PIBF1: variants seen among roughly 807,000 people sequenced by gnomAD.
PIBF1 encodes the protein progesterone immunomodulatory binding factor 1, also known as progesterone-induced-blocking factor 1.
In PIBF1, 90 loss-of-function variants were observed where a neutral mutation model predicts 112.5. The observed-to-expected ratio is 0.80, with a 90% CI of 0.67 to 0.95. PIBF1 has a LOEUF of 0.95. Ranked by LOEUF, PIBF1 falls within the 40% of genes least tolerant of loss-of-function variation. The pLI is 0.00. For missense variants in PIBF1, 915 were observed against 852.3 expected (o/e 1.07, Z -0.92); for synonymous variants, 301 against 288.6 (o/e 1.04, Z -0.44).
intron 11 of PIBF1, among the ~76,000 whole-genome samples, chr13:72,895,900 G>T (rs940525023): frequency 1.1e-4 from 17 of 152,158 alleles, no homozygotes; most frequent in African/African-American, 4.1e-4. Context: ...CTCACTCTGG[G>T]CCTGGAAACA....
At chr13:72,936,944 T>TTTAATTTATC (rs1328804469) in intron 14 of PIBF1, among the ~76,000 whole-genome samples, 1 of 152,194 alleles carries the variant, frequency 6.6e-6, no homozygotes, top group African/African-American at 2.4e-5. Context: ...TTACGTCTTC[T>TTTAATTTATC]TTAATTTATC....
chr13:72,920,556 C>T (rs1457001270), intron 13 of PIBF1, among the ~76,000 whole-genome samples: 1 of 152,158 alleles, frequency 6.6e-6, no homozygotes, highest in Non-Finnish European at 1.5e-5. Context: ...GCTTTGCGCT[C>T]TTTTTATGTT....
intron 13 of PIBF1, among the ~76,000 whole-genome samples, chr13:72,925,837 C>T (rs748861552): frequency 6.6e-6 from 1 of 151,990 alleles, no homozygotes; most frequent in African/African-American, 2.4e-5. Flanking sequence ...CCACCGCACC[C>T]GGCCCTGTTT....
rs1377701230 is a variant in PIBF1 at position 72,934,485 on chromosome 13, G to C, written c.1833+3218G>C. Among the ~76,000 whole-genome samples the C allele has an allele frequency of 2.0e-5, 3 of 152,188 alleles. No individual in the cohort carries two copies. The East Asian group carries it at 5.8e-4, about 29-fold the overall frequency. On this transcript the variant is annotated intron_variant, in intron 14 of 17. Transcript: ENST00000326291. ...GCTAATTTTTTGTATTTTTAGTAGA[G>C]ATAAGGTTTCACCATGTTGGCTAGG...
intron 14 of PIBF1, among the ~76,000 whole-genome samples, chr13:72,949,883 A>G (rs377752445): frequency 1.3e-5 from 2 of 152,192 alleles, no homozygotes; most frequent in East Asian, 1.9e-4. Context: ...GCCTTCATGA[A>G]AAATCAGTTT....
chr13:72,837,193 A>T (rs1369004463), intron 9 of PIBF1, among the ~76,000 whole-genome samples: 1 of 152,104 alleles, frequency 6.6e-6, no homozygotes, highest in Non-Finnish European at 1.5e-5. Flanking sequence ...AATTATACGT[A>T]TTCTTAAAAA....
intron 12 of PIBF1, among the ~76,000 whole-genome samples, chr13:72,915,288 A>G (rs1023362935): frequency 6.6e-6 from 1 of 152,066 alleles, no homozygotes; most frequent in Non-Finnish European, 1.5e-5. Context: ...TATCTACCCT[A>G]TACCTTGTAG....
intron 10 of PIBF1, among the ~76,000 whole-genome samples, chr13:72,859,770 A>T (rs1049751260): frequency 6.6e-6 from 1 of 152,192 alleles, no homozygotes; most frequent in African/African-American, 2.4e-5. Flanking sequence ...AATAGAAGTT[A>T]TATGTAGAAT....
At chr13:73,010,686 T>TC (rs1406492970) in intron 17 of PIBF1, among the ~76,000 whole-genome samples, 1 of 151,970 alleles carries the variant, frequency 6.6e-6, no homozygotes, top group Non-Finnish European at 1.5e-5. Flanking sequence ...TTTAGCTGGC[T>TC]CACCTTTCCC....
chr13:72,908,518 CT>C lies in PIBF1; in HGVS notation c.1489-10del, dbSNP rs764757742. 6.4e-7 allele frequency: 1 copy of C among 1,568,092 alleles called. No homozygotes were observed. Among genetic ancestry groups the C allele is most frequent in the Non-Finnish European group, 8.6e-7 (1 of 1,156,308 alleles). ...TTAATTCTGCCTTTGTAATTCTTCT[CT>C]TTCACTATTAGGTTTTAACCAAAGA... On this transcript the variant is annotated splice_polypyrimidine_tract_variant and intron_variant, in intron 11 of 17. Coordinates refer to ENST00000326291, the MANE Select transcript of PIBF1 (RefSeq NM_006346.4).
chr13:72,804,429 A>G (rs1327844767), intron 5 of PIBF1, among the ~76,000 whole-genome samples: 6 of 152,202 alleles, frequency 3.9e-5, no homozygotes, highest in Non-Finnish European at 5.9e-5. Flanking sequence ...ACAAAAGTGT[A>G]TGATCTGATG....
chr13:72,927,997 A>G (rs1183361727), intron 13 of PIBF1, among the ~76,000 whole-genome samples: 1 of 46,920 alleles, frequency 2.1e-5, no homozygotes, highest in African/African-American at 9.6e-5. Context: ...ATACACACAC[A>G]TATATATACA....
At chr13:72,933,103 A>G (rs923654600) in intron 14 of PIBF1, among the ~76,000 whole-genome samples, 2 of 152,250 alleles carry the variant, frequency 1.3e-5, no homozygotes, top group African/African-American at 4.8e-5. Context: ...TAATAAACAA[A>G]CAAACAAACC....
rs775597165 is a variant in PIBF1 at position 72,998,921 on chromosome 13, A to G, written c.2149A>G (p.Asn717Asp). 2 of 1,612,418 alleles carry G rather than the reference A, an allele frequency of 1.2e-6. No homozygotes were observed. Among genetic ancestry groups the G allele is most frequent in the South Asian group, 2.2e-5 (2 of 90,996 alleles). Residue 717 changes from asparagine (N) to aspartate (D), a missense_variant, in exon 17 of 18, where the codon AAT becomes GAT. Asn to Asp is a conservative substitution (Grantham distance 23). Transcript: ENST00000326291. ...TKTEPKHVTE[N>D]QKSKTLNVPK... ...AACAGAACCAAAACATGTGACAGAAAATCAGAAATCAAAGACTTTGAATGT... is the reference window on the plus strand; with the variant it reads ...AACAGAACCAAAACATGTGACAGAAGATCAGAAATCAAAGACTTTGAATGT...
At chr13:72,840,577 G>A (rs1194059939) in intron 9 of PIBF1, among the ~76,000 whole-genome samples, 1 of 147,824 alleles carries the variant, frequency 6.8e-6, no homozygotes, top group East Asian at 2.0e-4. Context: ...AGACTGGAGT[G>A]CAGTGGCGTG....
intron 9 of PIBF1, among the ~76,000 whole-genome samples, chr13:72,845,228 G>T (rs1008108437): frequency 3.9e-5 from 6 of 151,920 alleles, no homozygotes; most frequent in African/African-American, 1.2e-4. Context: ...TTATGAGTGA[G>T]AATATGTGGT....
intron 13 of PIBF1, among the ~76,000 whole-genome samples, chr13:72,922,567 C>A (rs928548236): frequency 6.6e-6 from 1 of 152,136 alleles, no homozygotes; most frequent in Non-Finnish European, 1.5e-5. Flanking sequence ...ACTGTTCTGA[C>A]GTTCTTAAAC....
At chr13:72,870,397 CA>C in intron 10 of PIBF1, among the ~76,000 whole-genome samples, 1 of 152,174 alleles carries the variant, frequency 6.6e-6, no homozygotes, top group East Asian at 1.9e-4. Flanking sequence ...CCCATGGTTT[CA>C]GATGAGAATC....
At chr13:72,958,440 C>T (rs1231821625) in intron 14 of PIBF1, among the ~76,000 whole-genome samples, 1 of 152,054 alleles carries the variant, frequency 6.6e-6, no homozygotes, top group African/African-American at 2.4e-5. Flanking sequence ...TTTAACATCC[C>T]ATTCATGAAT....
Sources: allele counts gnomAD v4.1 joint callset (sites outside exome capture counted in the v4.1 genomes callset), GRCh38; gene constraint gnomAD v4.1.1; transcripts MANE v1.5; gene names NCBI Gene and HGNC (gene_info 2026-07-23, HGNC 2026-07-21).